The following PDE1C variants were observed in gnomAD, a reference collection of about 807,000 sequenced individuals.
The protein encoded by PDE1C is dual specificity calcium/calmodulin-dependent 3',5'-cyclic nucleotide phosphodiesterase 1C.
In PDE1C, 62 loss-of-function variants were observed where a neutral mutation model predicts 93.1. That is an observed-to-expected ratio of 0.67 (90% CI 0.54 to 0.82). The LOEUF is 0.82. PDE1C is among the 40% of genes least tolerant of loss of function. PDE1C has a pLI of 0.00. For synonymous variants in PDE1C, 325 were observed against 310.1 expected (o/e 1.05, Z -0.50); for missense variants, 742 against 884.6 (o/e 0.84, Z 2.04).
At chr7:32,182,349 A>G (rs143733833) in intron 2 of PDE1C, among the ~76,000 whole-genome samples, 18,544 of 152,230 alleles carry the variant, frequency 0.12, 1,237 homozygotes, top group Middle Eastern at 0.19. Context: ...ACAACAAACA[A>G]AGAGAATTTT....
chr7:32,245,352 A>G (rs570119684), intron 1 of PDE1C, among the ~76,000 whole-genome samples: 1 of 152,362 alleles, frequency 6.6e-6, no homozygotes, highest in South Asian at 2.1e-4. Flanking sequence ...TCTTGCATCT[A>G]TAAAAGAACT....
intron 7 of PDE1C, among the ~76,000 whole-genome samples, chr7:31,855,413 G>T (rs1391280959): frequency 6.6e-6 from 1 of 152,000 alleles, no homozygotes; most frequent in Non-Finnish European, 1.5e-5. Flanking sequence ...GGAAAATCCA[G>T]GCTAATCTCC....
intron 1 of PDE1C, among the ~76,000 whole-genome samples, chr7:32,213,480 GCTAGCA>G (rs1806204083): frequency 6.6e-6 from 1 of 152,156 alleles, no homozygotes; most frequent in African/African-American, 2.4e-5. Context: ...TTCAACAGAT[GCTAGCA>G]CTACAAAAAG....
intron 3 of PDE1C, among the ~76,000 whole-genome samples, chr7:32,124,330 C>T (rs535646617): frequency 1.3e-5 from 2 of 152,166 alleles, no homozygotes; most frequent in African/African-American, 2.4e-5. Context: ...CACTAACATA[C>T]TTCACAGAAT....
At chr7:32,321,588 C>A (rs1783292391) in intron 1 of PDE1C, among the ~76,000 whole-genome samples, 1 of 152,090 alleles carries the variant, frequency 6.6e-6, no homozygotes, top group East Asian at 1.9e-4. Flanking sequence ...GTGAATTGTT[C>A]AATTAATTAA....
At chr7:32,098,435 A>T (rs1412326649) in intron 3 of PDE1C, among the ~76,000 whole-genome samples, 2 of 152,076 alleles carry the variant, frequency 1.3e-5, no homozygotes, top group Non-Finnish European at 2.9e-5. Context: ...AAATAATAGG[A>T]AACTCAAATT....
chr7:31,770,579 T>C (rs1795422721), intron 17 of PDE1C, among the ~76,000 whole-genome samples: 2 of 152,216 alleles, frequency 1.3e-5, no homozygotes, highest in African/African-American at 4.8e-5. Context: ...TGACATGATC[T>C]TGGCTCACTG....
At chr7:31,928,432 A>G (rs575750545) in intron 2 of PDE1C, among the ~76,000 whole-genome samples, 77 of 152,288 alleles carry the variant, frequency 5.1e-4, no homozygotes, top group Middle Eastern at 6.8e-3. Flanking sequence ...AATACAGAGA[A>G]CACCACTAAG....
chr7:31,753,510 T>C lies in PDE1C; in HGVS notation c.2004A>G (p.Ala668=), dbSNP rs765999367. 15 of 1,612,112 alleles carry C rather than the reference T, an allele frequency of 9.3e-6. No homozygotes were observed. The highest frequency in any genetic ancestry group is 1.2e-5 in the Non-Finnish European group (14 of 1,179,526). The change falls in exon 18 of 18, where the codon GCA becomes GCG. Residue 668 remains alanine, a synonymous_variant. Coordinates refer to ENST00000396191, the MANE Select transcript of PDE1C (RefSeq NM_001191057.4). ...PLRHFKRPAY[A]SSSYAPSVSK... is the part of the protein sequence containing the mutation. ...AGACTGAAGGTGCATAGGAGCTAGA[T>C]GCGTAAGCAGGGCGTTTAAAATGAC...
chr7:32,183,400 A>C (rs1027457533), intron 2 of PDE1C, among the ~76,000 whole-genome samples: 1 of 152,202 alleles, frequency 6.6e-6, no homozygotes, highest in African/African-American at 2.4e-5. Context: ...ACTTCAAACT[A>C]TACTACAAGG....
chr7:32,073,723 A>T (rs1378402349), upstream of PDE1C, among the ~76,000 whole-genome samples: 1 of 152,234 alleles, frequency 6.6e-6, no homozygotes, highest in East Asian at 1.9e-4. Flanking sequence ...CGTCACTCAG[A>T]TTGTGTTCTC....
chr7:31,709,021 G>A, the PDE1C span, among the ~76,000 whole-genome samples: 2 of 152,108 alleles, frequency 1.3e-5, no homozygotes, highest in Non-Finnish European at 2.9e-5. Flanking sequence ...AGCAATTACA[G>A]GTCTATGGAT....
chr7:31,692,267 T>C, the PDE1C span: 4 of 556,880 alleles, frequency 7.2e-6, no homozygotes, highest in Admixed American at 1.4e-4. Flanking sequence ...AATAGCCAAG[T>C]TTAAGAAGCA....
chr7:31,619,724 C>G, the PDE1C span, among the ~76,000 whole-genome samples: 19 of 152,054 alleles, frequency 1.2e-4, no homozygotes, highest in African/African-American at 2.4e-5. Context: ...GGTACCAGTT[C>G]CATCTCACTA....
intron 1 of PDE1C, among the ~76,000 whole-genome samples, chr7:32,281,929 G>C (rs1342350871): frequency 6.6e-6 from 1 of 151,992 alleles, no homozygotes; most frequent in African/African-American, 2.4e-5. Context: ...AGGACAGAAC[G>C]TGTTCTCCCG....
intron 3 of PDE1C, among the ~76,000 whole-genome samples, chr7:32,167,868 T>C (rs2128803180): frequency 6.6e-6 from 1 of 152,304 alleles, no homozygotes; most frequent in South Asian, 2.1e-4. Flanking sequence ...AGGGTAACCT[T>C]GATTATGCTC....
At chr7:32,202,714 T>A (rs1299967575) in intron 2 of PDE1C, among the ~76,000 whole-genome samples, 1 of 152,148 alleles carries the variant, frequency 6.6e-6, no homozygotes, top group Non-Finnish European at 1.5e-5. Context: ...AACATGGATG[T>A]GTCACAGGTC....
chr7:31,927,258 T>G (rs1803518575), intron 2 of PDE1C, among the ~76,000 whole-genome samples: 1 of 152,144 alleles, frequency 6.6e-6, no homozygotes, highest in Admixed American at 6.5e-5. Flanking sequence ...TCCTACTCAC[T>G]TGGCAGGACA....
At chr7:32,210,773 CTT>C (rs1805964784) in intron 1 of PDE1C, among the ~76,000 whole-genome samples, 1 of 152,112 alleles carries the variant, frequency 6.6e-6, no homozygotes, top group Non-Finnish European at 1.5e-5. Flanking sequence ...ATCTTAGTAT[CTT>C]TTGTTTTTCT....
Sources: gnomAD v4.1 joint callset for allele counts (sites outside exome capture counted in the v4.1 genomes callset) on GRCh38, gnomAD v4.1.1 for gene constraint, MANE v1.5 for transcripts, NCBI Gene and HGNC (gene_info 2026-07-23, HGNC 2026-07-21) for gene names.